Variants in NTM observed in about 807,000 individuals in gnomAD.
NTM encodes IgLON family member 2.
NTM carries 13 observed loss-of-function variants against 42.1 expected under a neutral mutation model. That is an observed-to-expected ratio of 0.31 (90% confidence interval 0.20 to 0.49). The LOEUF (loss-of-function observed/expected upper bound fraction) is 0.49, where lower values mean the gene tolerates loss of function less well. Among genes scored for constraint, NTM ranks in the 20% least tolerant of loss-of-function variants. NTM has a pLI of 0.99. For synonymous variants in NTM, 187 were observed against 179.2 expected (o/e 1.04, Z -0.35); for missense variants, 373 against 452.8 (o/e 0.82, Z 1.60).
intron 1 of NTM, among the ~76,000 whole-genome samples, chr11:131,497,104 A>G (rs1955427842): frequency 6.6e-6 from 1 of 152,168 alleles, no homozygotes; most frequent in South Asian, 2.1e-4. Context: ...CCACAGAGGA[A>G]ACCCCTATGA....
intron 4 of NTM, among the ~76,000 whole-genome samples, chr11:132,258,552 G>A (rs2092648566): frequency 6.6e-6 from 1 of 152,002 alleles, no homozygotes; most frequent in Non-Finnish European, 1.5e-5. Context: ...GTTGTGCTTT[G>A]CCATAGTGAT....
At chr11:132,195,651 T>G (rs2080088284) in intron 3 of NTM, among the ~76,000 whole-genome samples, 1 of 152,012 alleles carries the variant, frequency 6.6e-6, no homozygotes, top group Admixed American at 6.6e-5. Flanking sequence ...GAAATAAAGT[T>G]TCATACCTAC....
intron 1 of NTM, among the ~76,000 whole-genome samples, chr11:131,712,068 C>A (rs1462536994): frequency 6.7e-6 from 1 of 148,164 alleles, no homozygotes; most frequent in Non-Finnish European, 1.5e-5. Context: ...ACCAGCATGG[C>A]ACATGTATAC....
chr11:131,872,847 T>C (rs560816464), intron 1 of NTM, among the ~76,000 whole-genome samples: 16 of 152,196 alleles, frequency 1.1e-4, no homozygotes, highest in Non-Finnish European at 2.4e-4. Context: ...TATAATCCTT[T>C]ATGCATATAC....
intron 1 of NTM, among the ~76,000 whole-genome samples, chr11:131,732,991 G>A (rs181965530): frequency 6.6e-6 from 1 of 152,070 alleles, no homozygotes; most frequent in East Asian, 1.9e-4. Flanking sequence ...TTAGTATGAT[G>A]CATAATAATC....
At chr11:131,463,132 A>T (rs1196362867) in intron 1 of NTM, among the ~76,000 whole-genome samples, 1 of 152,094 alleles carries the variant, frequency 6.6e-6, no homozygotes, top group Non-Finnish European at 1.5e-5. Context: ...TCTCTTCTGG[A>T]AAAAGATTAT....
At chr11:132,325,114 G>T (rs1056181844) in intron 7 of NTM, among the ~76,000 whole-genome samples, 2 of 152,046 alleles carry the variant, frequency 1.3e-5, no homozygotes, top group Non-Finnish European at 1.5e-5. Flanking sequence ...GCGTGGGCAA[G>T]GACTTCATGT....
At chr11:131,739,797 G>A (rs1478498702) in intron 1 of NTM, among the ~76,000 whole-genome samples, 1 of 152,210 alleles carries the variant, frequency 6.6e-6, no homozygotes, top group South Asian at 2.1e-4. Context: ...GCCAAAGGCA[G>A]CCTGAAGTGC....
intron 1 of NTM, among the ~76,000 whole-genome samples, chr11:131,565,695 A>T (rs2056809808): frequency 6.6e-6 from 1 of 152,212 alleles, no homozygotes; most frequent in Admixed American, 6.5e-5. Flanking sequence ...GCCATTCTGC[A>T]GTTGAGCTAG....
chr11:131,899,922 A>C (rs1315851339), intron 1 of NTM, among the ~76,000 whole-genome samples: 1 of 152,240 alleles, frequency 6.6e-6, no homozygotes, highest in Non-Finnish European at 1.5e-5. Flanking sequence ...AAATTATTTC[A>C]ATTTTTGAAT....
chr11:132,200,976 C>T (rs1398081137), intron 3 of NTM, among the ~76,000 whole-genome samples: 1 of 152,158 alleles, frequency 6.6e-6, no homozygotes, highest in Non-Finnish European at 1.5e-5. Flanking sequence ...AGAGTAATGG[C>T]ACAGACTATT....
Position 132,069,559 on chromosome 11 carries a change from C to T in NTM, c.168-76723C>T, listed in dbSNP as rs562362403. 2.3e-4 allele frequency among the ~76,000 whole-genome samples: 35 copies of T among 150,770 alleles called. No individual in the cohort carries two copies. In the East Asian group the frequency reaches 3.3e-3, roughly 14 times the overall value. On this transcript the variant is annotated intron_variant, in intron 2 of 8. Transcript: ENST00000683400. ...AACACGTCACCCAGCCAAGTTAACA[C>T]GTCAAACTGACCGTCACAGGTTAGT...
At chr11:131,971,097 G>C (rs570961663) in intron 2 of NTM, among the ~76,000 whole-genome samples, 4 of 152,148 alleles carry the variant, frequency 2.6e-5, no homozygotes, top group African/African-American at 9.6e-5. Context: ...GATTTTGCTG[G>C]GTCATGGGAC....
At chr11:131,579,729 C>T (rs550641861) in intron 1 of NTM, among the ~76,000 whole-genome samples, 5 of 152,306 alleles carry the variant, frequency 3.3e-5, no homozygotes, top group African/African-American at 1.2e-4. Context: ...AATGCAAGGG[C>T]AGAGATGCAG....
intron 2 of NTM, among the ~76,000 whole-genome samples, chr11:131,932,673 G>C (rs1565767766): frequency 6.6e-6 from 1 of 152,206 alleles, no homozygotes; most frequent in Non-Finnish European, 1.5e-5. Flanking sequence ...TGATGGTGGT[G>C]ATGATTTATA....
intron 1 of NTM, among the ~76,000 whole-genome samples, chr11:131,462,318 G>T (rs1951456359): frequency 6.6e-6 from 1 of 152,112 alleles, no homozygotes; most frequent in Admixed American, 6.5e-5. Context: ...TGATTATGGA[G>T]GTGGCTACAT....
At chr11:132,233,714 A>C (rs2088139209) in intron 4 of NTM, among the ~76,000 whole-genome samples, 1 of 152,118 alleles carries the variant, frequency 6.6e-6, no homozygotes, top group Non-Finnish European at 1.5e-5. Flanking sequence ...AAAGCCTGAG[A>C]TATTTATTAT....
intron 4 of NTM, among the ~76,000 whole-genome samples, chr11:132,299,938 T>C (rs544679829): frequency 3.2e-4 from 48 of 151,990 alleles, no homozygotes; most frequent in Admixed American, 7.2e-4. Flanking sequence ...ATAAAATATA[T>C]TTATATCCTT....
intron 3 of NTM, among the ~76,000 whole-genome samples, chr11:132,148,765 T>C (rs2071171975): frequency 6.6e-6 from 1 of 152,096 alleles, no homozygotes; most frequent in Non-Finnish European, 1.5e-5. Context: ...AGCCAGGTGA[T>C]CTTATATGGG....
Sources: gnomAD v4.1 joint callset for allele counts (sites outside exome capture counted in the v4.1 genomes callset) on GRCh38, gnomAD v4.1.1 for gene constraint, MANE v1.5 for transcripts, NCBI Gene and HGNC (gene_info 2026-07-23, HGNC 2026-07-21) for gene names.